SORBS2: variants seen among roughly 807,000 people sequenced by gnomAD.
The protein encoded by SORBS2 is sorbin and SH3 domain-containing protein 2.
Under a neutral mutation model 97.7 loss-of-function variants are expected in SORBS2, and 46 were observed. The ratio of observed to expected loss-of-function variants is 0.47; its 90% CI spans 0.37 to 0.60. The LOEUF (loss-of-function observed/expected upper bound fraction) is 0.60, where lower values mean the gene tolerates loss of function less well. Among genes scored for constraint, SORBS2 ranks in the 20% least tolerant of loss-of-function variants. The pLI, the probability that SORBS2 is intolerant of heterozygous loss-of-function variation, is 0.00. For synonymous variants in SORBS2, 476 were observed against 473.4 expected, an observed-to-expected ratio of 1.01 and a Z score of -0.07; for missense variants, 1,316 against 1,282.3, an observed-to-expected ratio of 1.03 and a Z score of -0.40.
intron 4 of SORBS2, among the ~76,000 whole-genome samples, chr4:185,674,708 C>T (rs562929100): frequency 1.3e-5 from 2 of 152,238 alleles, no homozygotes; most frequent in Non-Finnish European, 2.9e-5. Context: ...TCCTCTCCCT[C>T]CCTCAGGCTT....
At chr4:185,616,880 C>G (rs1375434402) in intron 9 of SORBS2, among the ~76,000 whole-genome samples, 2 of 152,148 alleles carry the variant, frequency 1.3e-5, no homozygotes, top group Non-Finnish European at 2.9e-5. Flanking sequence ...TCCTGAGTAG[C>G]TGGGATTACA....
chr4:185,879,370 T>C (rs1323197711), intron 1 of SORBS2, among the ~76,000 whole-genome samples: 2 of 152,066 alleles, frequency 1.3e-5, no homozygotes, highest in South Asian at 2.1e-4. Flanking sequence ...TATGGCTGCA[T>C]AGTATTCCAT....
intron 1 of SORBS2, among the ~76,000 whole-genome samples, chr4:185,928,004 G>T (rs2099264536): frequency 6.6e-6 from 1 of 152,072 alleles, no homozygotes; most frequent in Admixed American, 6.5e-5. Flanking sequence ...TTCACTGAAG[G>T]CCTCCTGTCC....
At chr4:185,886,574 G>GAAAAAAAAAAA (rs2099239741) in intron 1 of SORBS2, among the ~76,000 whole-genome samples, 1 of 108,634 alleles carries the variant, frequency 9.2e-6, no homozygotes, top group Admixed American at 8.9e-5. Context: ...AAAAAAAAAA[G>GAAAAAAAAAAA]AAAAGAAAAA....
chr4:185,656,289 T>C (rs1209486803), intron 1 of SORBS2, among the ~76,000 whole-genome samples: 1 of 152,202 alleles, frequency 6.6e-6, no homozygotes, highest in East Asian at 1.9e-4. Context: ...GGCTTTCAAT[T>C]GTAATATAGA....
chr4:185,751,190 A>AAAAAAAAAAATAAAAAAAAAAG, intron 2 of SORBS2, among the ~76,000 whole-genome samples: 1 of 86,426 alleles, frequency 1.2e-5, no homozygotes, highest in African/African-American at 4.1e-5. Flanking sequence ...AAAAAAAAAA[A>AAAAAAAAAAATAAAAAAAAAAG]AGAGAAAGAG....
intron 1 of SORBS2, among the ~76,000 whole-genome samples, chr4:185,830,151 AT>A (rs1355867738): frequency 6.6e-6 from 1 of 152,112 alleles, no homozygotes; most frequent in Non-Finnish European, 1.5e-5. Context: ...ACTTCTTCAC[AT>A]TTTTTTCTTT....
At chr4:185,868,865 A>AT (rs1554043881) in intron 1 of SORBS2, among the ~76,000 whole-genome samples, 1 of 152,240 alleles carries the variant, frequency 6.6e-6, no homozygotes, top group Non-Finnish European at 1.5e-5. Flanking sequence ...TATAAATCAC[A>AT]TGTTCGTTAA....
At chr4:185,592,532 G>A (rs1054962679) in intron 13 of SORBS2, among the ~76,000 whole-genome samples, 4 of 152,138 alleles carry the variant, frequency 2.6e-5, no homozygotes, top group African/African-American at 9.7e-5. Flanking sequence ...GTCGTATTTA[G>A]TGTTTTCCAG....
intron 1 of SORBS2, among the ~76,000 whole-genome samples, chr4:185,902,781 G>A (rs765635769): frequency 1.3e-5 from 2 of 151,998 alleles, no homozygotes; most frequent in Non-Finnish European, 2.9e-5. Context: ...AACATTTCCT[G>A]TGTTATCGAT....
At chr4:185,951,461 C>T (rs780916723) in intron 1 of SORBS2, among the ~76,000 whole-genome samples, 9 of 152,172 alleles carry the variant, frequency 5.9e-5, no homozygotes, top group Non-Finnish European at 1.0e-4. Flanking sequence ...GAAGCCAATC[C>T]CCACTTCCCA....
intron 2 of SORBS2, among the ~76,000 whole-genome samples, chr4:185,652,120 G>C (rs534452653): frequency 6.6e-6 from 1 of 152,268 alleles, no homozygotes; most frequent in South Asian, 2.1e-4. Context: ...TTACAGGTGT[G>C]TGCCACCACA....
chr4:185,863,034 G>A (rs959585729), intron 1 of SORBS2, among the ~76,000 whole-genome samples: 4 of 152,190 alleles, frequency 2.6e-5, no homozygotes, highest in East Asian at 1.9e-4. Flanking sequence ...CCAGGCCAGT[G>A]GAGAGGTGGG....
chr4:185,587,002 A>G (rs1412451294), exon 15 of SORBS2: 2 of 152,680 alleles, frequency 1.3e-5, no homozygotes, highest in Non-Finnish European at 2.9e-5. Flanking sequence ...ACATTCAATC[A>G]GCAAAATCAC....
intron 2 of SORBS2, among the ~76,000 whole-genome samples, chr4:185,692,259 C>T (rs75558390): frequency 3.2e-4 from 48 of 152,328 alleles, no homozygotes; most frequent in African/African-American, 5.5e-4. Context: ...AGAACCCCCC[C>T]GCACAGCACA....
chr4:185,609,125 T>C (rs2153398634), intron 12 of SORBS2, among the ~76,000 whole-genome samples: 1 of 152,160 alleles, frequency 6.6e-6, no homozygotes, highest in South Asian at 2.1e-4. Flanking sequence ...GCACGTGTGG[T>C]TTGCGCCTAG....
chr4:185,640,190 A>G (rs1454126444), intron 4 of SORBS2, among the ~76,000 whole-genome samples: 2 of 152,226 alleles, frequency 1.3e-5, no homozygotes, highest in Admixed American at 1.3e-4. Flanking sequence ...AGATGTAGTG[A>G]TCATAATTAT....
At position 185,606,640 on chromosome 4, in the gene SORBS2, G is replaced by T; in HGVS notation, c.2796+5140C>A. On this transcript the variant is annotated intron_variant, in intron 12 of 14. Transcript: ENST00000418609. The surrounding 1 kb of genome is among the most constrained non-coding windows in gnomAD (Gnocchi z 4.3). ...CTCCTTGGGGGTCCTAGGATCTGTG[G>T]GGGTGGCTATGGGGTGTTTTAGGCA... 2 of 985,210 alleles carry T rather than the reference G, an allele frequency of 2.0e-6. No homozygotes were observed. The highest frequency in any genetic ancestry group is 2.4e-6 in the Non-Finnish European group (2 of 829,886). The allele number at this position is 985,210 out of a possible 1,614,324, so 61.0% of individuals were successfully genotyped here.
intron 12 of SORBS2, among the ~76,000 whole-genome samples, chr4:185,604,675 G>C (rs2096363971): frequency 6.6e-6 from 1 of 152,034 alleles, no homozygotes; most frequent in Admixed American, 6.5e-5. Flanking sequence ...TTTTTGCTTT[G>C]AAACCACTAA....
Sources: gnomAD v4.1 joint callset for allele counts (sites outside exome capture counted in the v4.1 genomes callset) on GRCh38, gnomAD v4.1.1 for gene constraint, Gnocchi (gnomAD v3.1) non-coding constraint, MANE v1.5 for transcripts, NCBI Gene and HGNC (gene_info 2026-07-23, HGNC 2026-07-21) for gene names.